Variants in PUM2 observed in about 807,000 individuals in gnomAD.
PUM2 encodes pumilio homolog 2.
Under a neutral mutation model 124.5 loss-of-function variants are expected in PUM2, and 57 were observed. The observed-to-expected ratio is 0.46, with a 90% CI of 0.37 to 0.57. PUM2 has a LOEUF of 0.57. Among genes scored for constraint, PUM2 ranks in the 20% least tolerant of loss-of-function variants. The pLI, the probability that PUM2 is intolerant of heterozygous loss-of-function variation, is 0.00. For missense variants in PUM2, 1,065 were observed against 1,290.6 expected (o/e 0.83, Z 2.68); for synonymous variants, 460 against 446.1 (o/e 1.03, Z -0.39).
chr2:20,274,326 T>C (rs375765197), intron 13 of PUM2, among the ~76,000 whole-genome samples: 1 of 152,186 alleles, frequency 6.6e-6, no homozygotes, highest in Non-Finnish European at 1.5e-5. Context: ...CTTTCATTAA[T>C]GACTGTATGT....
chr2:20,323,908 C>CAAAAAA (rs397984008), intron 2 of PUM2, among the ~76,000 whole-genome samples: 14 of 58,440 alleles, frequency 2.4e-4, no homozygotes, highest in East Asian at 1.4e-3. Context: ...TACGGACTAG[C>CAAAAAA]AAAAAAAAAA....
intron 1 of PUM2, among the ~76,000 whole-genome samples, chr2:20,330,145 A>G (rs1684596940): frequency 6.6e-6 from 1 of 152,246 alleles, no homozygotes; most frequent in South Asian, 2.1e-4. Flanking sequence ...AACTTGGACC[A>G]GAAATAATGG....
At chr2:20,332,982 C>T (rs1041477725) in intron 1 of PUM2, 34 of 151,966 alleles carry the variant, frequency 2.2e-4, no homozygotes, top group Admixed American at 2.0e-3. Flanking sequence ...CAGAAATATA[C>T]GACAGAAACT....
intron 12 of PUM2, among the ~76,000 whole-genome samples, chr2:20,280,330 A>G (rs1158008545): frequency 1.3e-5 from 2 of 152,290 alleles, no homozygotes; most frequent in Non-Finnish European, 2.9e-5. Context: ...AGAAAATACT[A>G]GGTGTCTATA....
chr2:20,331,030 T>C (rs1204962862), intron 1 of PUM2, among the ~76,000 whole-genome samples: 1 of 152,170 alleles, frequency 6.6e-6, no homozygotes, highest in Non-Finnish European at 1.5e-5. Flanking sequence ...GGATAAACTG[T>C]ATTTATATCC....
intron 13 of PUM2, among the ~76,000 whole-genome samples, chr2:20,275,761 G>A (rs1382517950): frequency 6.6e-6 from 1 of 151,988 alleles, no homozygotes; most frequent in Non-Finnish European, 1.5e-5. Flanking sequence ...CTACTATGGG[G>A]AAGCAATCAG....
intron 5 of PUM2, among the ~76,000 whole-genome samples, chr2:20,309,925 C>A (rs1349816120): frequency 1.3e-5 from 2 of 152,120 alleles, no homozygotes; most frequent in Non-Finnish European, 2.9e-5. Context: ...ACTCCTTTCC[C>A]TTTAAGCCAC....
At chr2:20,261,971 T>C (rs780302567) in intron 14 of PUM2, among the ~76,000 whole-genome samples, 3 of 152,106 alleles carry the variant, frequency 2.0e-5, no homozygotes, top group African/African-American at 4.8e-5. Context: ...GGTGCGTGCC[T>C]GTAGTCCCAG....
chr2:20,263,474 G>C lies in PUM2; in HGVS notation c.1958-14C>G. On this transcript the variant is annotated splice_polypyrimidine_tract_variant and intron_variant, in intron 13 of 20. Coordinates refer to ENST00000361078, the MANE Select transcript of PUM2 (RefSeq NM_015317.5). ...TTGTCAGTCCTCCTACAACAAAGCA[G>C]CTATGGTCAGCAAGTATTTTTGACA... 6.4e-7 allele frequency: 1 copy of C among 1,558,192 alleles called. No individual in the cohort carries two copies. The highest frequency in any genetic ancestry group is 8.7e-7 in the Non-Finnish European group (1 of 1,143,208).
At chr2:20,268,801 C>T (rs894856526) in intron 13 of PUM2, among the ~76,000 whole-genome samples, 9 of 152,048 alleles carry the variant, frequency 5.9e-5, no homozygotes, top group Non-Finnish European at 1.3e-4. Context: ...TCATTTTTTT[C>T]CCTCAGAATT....
chr2:20,274,900 GA>G (rs2148773138), intron 13 of PUM2, among the ~76,000 whole-genome samples: 1 of 112,278 alleles, frequency 8.9e-6, no homozygotes, highest in African/African-American at 3.5e-5. Context: ...GCTCCAGGTA[GA>G]AAAATAAGGC....
At chr2:20,326,239 A>C in intron 2 of PUM2, 1 of 1,297,042 alleles carries the variant, frequency 7.7e-7, no homozygotes, top group Non-Finnish European at 1.0e-6. Flanking sequence ...GGCAATACTT[A>C]AGCTTAAGCA....
At chr2:20,309,183 A>G (rs1409677709) in intron 5 of PUM2, among the ~76,000 whole-genome samples, 1 of 152,170 alleles carries the variant, frequency 6.6e-6, no homozygotes, top group Non-Finnish European at 1.5e-5. Context: ...TCTTTTAAAT[A>G]TGATTTTGAG....
chr2:20,317,971 C>T (rs939684513), intron 3 of PUM2, among the ~76,000 whole-genome samples: 1 of 152,058 alleles, frequency 6.6e-6, no homozygotes, highest in Non-Finnish European at 1.5e-5. Flanking sequence ...CATGGTTTTG[C>T]TATTATGGAA....
chr2:20,278,378 A>AG (rs1173018687), intron 13 of PUM2, among the ~76,000 whole-genome samples: 1 of 152,146 alleles, frequency 6.6e-6, no homozygotes, highest in Non-Finnish European at 1.5e-5. Flanking sequence ...AAGAAACAAT[A>AG]GGGGGGTCTT....
At chr2:20,286,013 C>T (rs763371784) in intron 10 of PUM2, among the ~76,000 whole-genome samples, 10 of 152,032 alleles carry the variant, frequency 6.6e-5, no homozygotes, top group East Asian at 1.9e-4. Context: ...TAAGCCAGTA[C>T]GACTGAAAGA....
intron 1 of PUM2, among the ~76,000 whole-genome samples, chr2:20,340,359 A>T (rs571749474): frequency 6.6e-6 from 1 of 152,258 alleles, no homozygotes; most frequent in Non-Finnish European, 1.5e-5. Flanking sequence ...AATACACAAC[A>T]GTAAGATGTG....
intron 7 of PUM2, among the ~76,000 whole-genome samples, chr2:20,303,719 GC>G (rs1325985801): frequency 6.6e-6 from 1 of 151,928 alleles, no homozygotes; most frequent in Non-Finnish European, 1.5e-5. Flanking sequence ...AGTGTTCTGG[GC>G]GACCATCTAC....
chr2:20,258,315 T>C lies in PUM2; in HGVS notation c.2412A>G (p.Leu804=). The C allele has an allele frequency of 6.2e-7, 1 of 1,612,618 alleles. No individual in the cohort carries two copies. Among genetic ancestry groups the C allele is most frequent in the Non-Finnish European group, 8.5e-7 (1 of 1,178,952 alleles). Residue 804 remains leucine (L), a synonymous_variant, in exon 16 of 21, where the codon CTA becomes CTG. Transcript: ENST00000361078. ...AGCCATACATCTGCAAGGCTAAGGG[T>C]AGAACATGACCACGAATACGAGTAG... ...ALATRIRGHV[L]PLALQMYGCR... is the part of the protein sequence containing the mutation.
Sources: gnomAD v4.1 joint callset for allele counts (sites outside exome capture counted in the v4.1 genomes callset) on GRCh38, gnomAD v4.1.1 for gene constraint, MANE v1.5 for transcripts, NCBI Gene and HGNC (gene_info 2026-07-23, HGNC 2026-07-21) for gene names.